Variants in KIFAP3 observed in about 807,000 individuals in gnomAD.
The protein encoded by KIFAP3 is kinesin associated protein 3.
Under a neutral mutation model 106.5 loss-of-function variants are expected in KIFAP3, and 68 were observed. The observed-to-expected ratio is 0.64, with a 90% CI of 0.53 to 0.78. The LOEUF (loss-of-function observed/expected upper bound fraction) is 0.78, where lower values mean the gene tolerates loss of function less well. Among genes scored for constraint, KIFAP3 ranks in the 30% least tolerant of loss-of-function variants. The pLI is 0.00. For synonymous variants in KIFAP3, 320 were observed against 311.5 expected (o/e 1.03, Z -0.29); for missense variants, 780 against 941.8 (o/e 0.83, Z 2.25).
At chr1:170,081,712 T>C (rs954507943) in intron 1 of KIFAP3, among the ~76,000 whole-genome samples, 2 of 152,218 alleles carry the variant, frequency 1.3e-5, no homozygotes, top group African/African-American at 2.4e-5. Context: ...CTTTTAGGGA[T>C]GCATGTGGGC....
chr1:170,056,192 T>C (rs77824390), intron 1 of KIFAP3, among the ~76,000 whole-genome samples: 2,788 of 152,138 alleles, frequency 0.018, 73 homozygotes, highest in African/African-American at 0.063. Context: ...TATTACAATA[T>C]ATGTCATGTA....
intron 10 of KIFAP3, among the ~76,000 whole-genome samples, chr1:170,014,244 C>T (rs761072434): frequency 4.1e-4 from 62 of 152,178 alleles, no homozygotes; most frequent in Middle Eastern, 6.8e-3. Flanking sequence ...TACAATGATC[C>T]CCACCATCAG....
chr1:170,022,774 A>C (rs1668914084), intron 9 of KIFAP3, among the ~76,000 whole-genome samples: 1 of 152,184 alleles, frequency 6.6e-6, no homozygotes, highest in South Asian at 2.1e-4. Flanking sequence ...GTTTTTCCTC[A>C]ATAAAAAATG....
In KIFAP3 at chr1:169,921,501, T is replaced by C. The variant is rs1271910098; in HGVS notation, c.*175A>G. ...GAGTGAACAATGTCAGTATCAACTG[T>C]ACTTAACAGAAGACAGAGGGGCTGG... On this transcript the variant is annotated 3_prime_UTR_variant, in exon 20 of 20. Coordinates refer to ENST00000361580, the MANE Select transcript of KIFAP3 (RefSeq NM_014970.4). 3.7e-6 allele frequency: 2 copies of C among 547,130 alleles called. No individual in the cohort carries two copies. The highest frequency in any genetic ancestry group is 1.9e-5 in the African/African-American group (1 of 52,540). 33.9% of individuals were successfully genotyped at this position (547,130 alleles called of 1,614,324 possible).
intron 11 of KIFAP3, among the ~76,000 whole-genome samples, chr1:169,988,756 C>T (rs954525576): frequency 6.6e-6 from 1 of 151,940 alleles, no homozygotes; most frequent in African/African-American, 2.4e-5. Flanking sequence ...AATAAAACCA[C>T]GTCAACTTTT....
In KIFAP3 at chr1:170,038,353, C is replaced by T; in HGVS notation, c.454G>A (p.Gly152Ser). ...GCAAGCTGCAGGATCAAAGCAGAAC[C>T]CCGAACTTTGTCAGGAATATCTTCA... ...LYEDIPDKVR[G>S]SALILQLARN... The change falls in exon 5 of 20, where the codon GGT becomes AGT. Residue 152 changes from glycine (G) to serine (S), a missense_variant. Coordinates refer to ENST00000361580, the MANE Select transcript of KIFAP3 (RefSeq NM_014970.4). The T allele has an allele frequency of 6.2e-7, 1 of 1,609,916 alleles. No homozygotes were observed. The highest frequency in any genetic ancestry group is 2.2e-5 in the East Asian group (1 of 44,658).
rs115323096 is a variant in KIFAP3 at position 170,065,329 on chromosome 1, G to C, written c.32+9107C>G. Among the ~76,000 whole-genome samples, 1,087 of 151,966 alleles carry C rather than the reference G, an allele frequency of 7.2e-3. 18 individuals are homozygous for C. The highest frequency in any genetic ancestry group is 0.024 in the African/African-American group (996 of 41,474). The stretch of plus-strand genomic sequence containing the variant: ...CTTTTTTCTTTATAAAAGAAATATT[G>C]GTGGCCGGGCGCAGTGGCTCACGCC... On this transcript the variant is annotated intron_variant, in intron 1 of 19. Coordinates refer to ENST00000361580, the MANE Select transcript of KIFAP3 (RefSeq NM_014970.4).
intron 19 of KIFAP3, among the ~76,000 whole-genome samples, chr1:169,946,169 T>A (rs1447583793): frequency 2.0e-5 from 3 of 152,192 alleles, no homozygotes; most frequent in Admixed American, 1.3e-4. Context: ...TAAGAGGCAT[T>A]TACCCTTCTA....
chr1:170,053,502 A>G (rs914577526), intron 2 of KIFAP3, among the ~76,000 whole-genome samples: 2 of 152,164 alleles, frequency 1.3e-5, no homozygotes, highest in African/African-American at 4.8e-5. Flanking sequence ...TATGGAACAA[A>G]AAAAGAGCCC....
chr1:169,987,631 C>A (rs1666895878), intron 11 of KIFAP3, among the ~76,000 whole-genome samples: 1 of 152,102 alleles, frequency 6.6e-6, no homozygotes, highest in Non-Finnish European at 1.5e-5. Flanking sequence ...TCAGAAAGGA[C>A]GTTTACCAGC....
intron 10 of KIFAP3, among the ~76,000 whole-genome samples, chr1:169,999,054 G>A (rs1667531345): frequency 6.6e-6 from 1 of 152,112 alleles, no homozygotes; most frequent in Non-Finnish European, 1.5e-5. Flanking sequence ...TTAATATTAC[G>A]ACTTAAAGGC....
intron 1 of KIFAP3, chr1:170,067,541 C>G (rs1484748294): frequency 3.3e-5 from 5 of 152,274 alleles, no homozygotes; most frequent in African/African-American, 1.2e-4. Flanking sequence ...CAGTGGCAGT[C>G]TTCAAGATGG....
At chr1:169,984,032 C>A (rs984996952) in intron 12 of KIFAP3, among the ~76,000 whole-genome samples, 4 of 151,732 alleles carry the variant, frequency 2.6e-5, no homozygotes, top group Admixed American at 6.6e-5. Context: ...GATATATAGA[C>A]AATCACATTT....
At chr1:169,960,486 A>C (rs906511107) in intron 18 of KIFAP3, among the ~76,000 whole-genome samples, 2 of 152,158 alleles carry the variant, frequency 1.3e-5, no homozygotes, top group Admixed American at 1.3e-4. Context: ...AGAATCAAAA[A>C]GGTTATAATA....
chr1:170,008,040 T>C (rs1474244480), intron 10 of KIFAP3, among the ~76,000 whole-genome samples: 1 of 152,080 alleles, frequency 6.6e-6, no homozygotes, highest in Non-Finnish European at 1.5e-5. Context: ...ATTTAATAAA[T>C]GGTGTTGGGA....
chr1:169,944,381 C>T (rs952313618), intron 19 of KIFAP3, among the ~76,000 whole-genome samples: 27 of 152,294 alleles, frequency 1.8e-4, no homozygotes, highest in African/African-American at 5.8e-4. Context: ...AACACAGAGG[C>T]GCCCAGAAAC....
chr1:170,005,623 T>C (rs75017233), intron 10 of KIFAP3, among the ~76,000 whole-genome samples: 2 of 144,182 alleles, frequency 1.4e-5, no homozygotes, highest in Admixed American at 7.3e-5. Flanking sequence ...AACCAAAGAC[T>C]GCATGTTCTC....
chr1:169,964,452 A>G (rs1665498295), intron 17 of KIFAP3, among the ~76,000 whole-genome samples: 2 of 152,164 alleles, frequency 1.3e-5, no homozygotes, highest in South Asian at 2.1e-4. Flanking sequence ...TGGATTCTTT[A>G]TTGAATGAGA....
At chr1:170,007,477 A>G (rs1456878726) in intron 10 of KIFAP3, among the ~76,000 whole-genome samples, 1 of 152,134 alleles carries the variant, frequency 6.6e-6, no homozygotes, top group Non-Finnish European at 1.5e-5. Flanking sequence ...CATGGTAACT[A>G]GAAGGTAAAA....
Sources: gnomAD v4.1 joint callset for allele counts (sites outside exome capture counted in the v4.1 genomes callset) on GRCh38, gnomAD v4.1.1 for gene constraint, MANE v1.5 for transcripts, NCBI Gene and HGNC (gene_info 2026-07-23, HGNC 2026-07-21) for gene names.